Variants in MX1 observed in about 807,000 individuals in gnomAD.
The protein encoded by MX1 is MX dynamin like GTPase 1, also known as interferon-induced GTP-binding protein Mx1.
MX1 carries 66 observed loss-of-function variants against 66.4 expected under a neutral mutation model. The observed-to-expected ratio is 0.99, with a 90% CI of 0.82 to 1.22. The LOEUF is 1.22. Among genes scored for constraint, MX1 ranks in the 50% most tolerant of loss-of-function variants. The pLI, the probability that MX1 is intolerant of heterozygous loss-of-function variation, is 0.00. For missense variants in MX1, 787 were observed against 834.3 expected (o/e 0.94, Z 0.70); for synonymous variants, 311 against 318.1 (o/e 0.98, Z 0.24).
intron 13 of MX1, 83 bp from the exon 14 acceptor site, chr21:41,449,054 A>C: frequency 7.6e-7 from 1 of 1,324,228 alleles, no homozygotes; most frequent in Non-Finnish European, 1.0e-6. Flanking sequence ...TATTTTCAGA[A>C]AATTTAGAAT....
At chr21:41,445,325 T>C in intron 11 of MX1, 123 bp from the exon 12 acceptor site, 1 of 1,201,988 alleles carries the variant, frequency 8.3e-7, no homozygotes, top group South Asian at 1.4e-5. Context: ...AAAGCTTCCT[T>C]TTAGAGGAAG....
chr21:41,451,521 A>T (rs1467035457), intron 15 of MX1, among the ~76,000 whole-genome samples: 1 of 152,206 alleles, frequency 6.6e-6, no homozygotes, highest in Non-Finnish European at 1.5e-5. Context: ...AAACTCACTG[A>T]GGAAACTACA....
chr21:41,443,960 ATCT>A, intron 11 of MX1, 94 bp downstream of exon 11: 1 of 1,161,898 alleles, frequency 8.6e-7, no homozygotes, highest in Admixed American at 1.9e-5. Context: ...GTACACACAG[ATCT>A]TCTGAGGATC....
chr21:41,437,279 A>G (rs468646), intron 7 of MX1, 127 bp downstream of exon 7: 2 of 971,642 alleles, frequency 2.1e-6, no homozygotes, highest in South Asian at 1.7e-5. Flanking sequence ...ACATCAGGCC[A>G]CGGTTCCTTC....
chr21:41,439,187 C>T (rs2090441020), intron 7 of MX1, among the ~76,000 whole-genome samples: 1 of 151,474 alleles, frequency 6.6e-6, no homozygotes, highest in African/African-American at 2.4e-5. Context: ...TTTGATGAAA[C>T]AAATTCATAT....
chr21:41,453,293 C>G (rs2090881149), intron 16 of MX1, among the ~76,000 whole-genome samples: 1 of 152,190 alleles, frequency 6.6e-6, no homozygotes, highest in Non-Finnish European at 1.5e-5. Context: ...CTGAGTCCCT[C>G]CCACAACAGG....
chr21:41,421,337 G>A (rs1389902531), upstream of MX1: 2 of 152,322 alleles, frequency 1.3e-5, no homozygotes, highest in South Asian at 2.1e-4. Flanking sequence ...GGGACGGGCA[G>A]GAGACAGATG....
chr21:41,455,095 A>G (rs2090927316), intron 16 of MX1, among the ~76,000 whole-genome samples: 1 of 152,028 alleles, frequency 6.6e-6, no homozygotes, highest in Non-Finnish European at 1.5e-5. Flanking sequence ...TTTTTAGTAG[A>G]GATGGACTTT....
chr21:41,437,318 C>T lies in MX1; in HGVS notation c.436+166C>T, dbSNP rs191385632. On this transcript the variant is annotated intron_variant, in intron 7 of 16. Transcript: ENST00000398598. The stretch of plus-strand genomic sequence containing the variant: ...TTCTTTTACCTCATTATGACCAGCA[C>T]GCTTGGATATCAGCATCTGATAGCA... 2.8e-3 allele frequency among the ~76,000 whole-genome samples: 427 copies of T among 152,234 alleles called. 3 individuals are homozygous for T. The highest frequency in any genetic ancestry group is 1.3e-3 in the Non-Finnish European group (90 of 68,028).
Position 41,446,087 on chromosome 21 carries a change from C to G in MX1, c.1219C>G (p.Leu407Val), listed in dbSNP as rs749661292. ...GGAAGACATTCGGCTGTTTACCAGA[C>G]TCCGACACGAGTTCCACAAATGGAG... ...GEEDIRLFTR[L>V]RHEFHKWSTI... The change falls in exon 13 of 17, where the codon CTC (leucine) becomes GTC (valine). Residue 407 changes from leucine (L) to valine (V), a missense_variant. Coordinates refer to ENST00000398598, the MANE Select transcript of MX1 (RefSeq NM_002462.5). 5.0e-6 allele frequency: 8 copies of G among 1,614,090 alleles called. No homozygotes were observed. The highest frequency in any genetic ancestry group is 8.5e-7 in the Non-Finnish European group (1 of 1,180,044).
chr21:41,448,940 G>GCC (rs1601527161), intron 13 of MX1, among the ~76,000 whole-genome samples, 197 bp from the exon 14 acceptor site: 1,406 of 37,834 alleles, frequency 0.037, 39 homozygotes, highest in African/African-American at 0.26. Context: ...TTGTGTGTGT[G>GCC]TGTGTGTGTG....
At chr21:41,457,266 G>C (rs2034355752) in intron 16 of MX1, among the ~76,000 whole-genome samples, 1 of 152,146 alleles carries the variant, frequency 6.6e-6, no homozygotes, top group South Asian at 2.1e-4. Context: ...TCTACATTTT[G>C]TCATTTGCTT....
At chr21:41,420,608 G>A (rs1025243999) in exon 1 of MX1, 2 of 152,348 alleles carry the variant, frequency 1.3e-5, no homozygotes, top group African/African-American at 4.8e-5. Context: ...CGCGGTGGGG[G>A]CGGAGAGCGC....
chr21:41,425,629 A>ATTTAT (rs2090044545), upstream of MX1, among the ~76,000 whole-genome samples: 1 of 152,004 alleles, frequency 6.6e-6, no homozygotes, highest in Admixed American at 6.5e-5. Context: ...TTACTATTTT[A>ATTTAT]TTTATTTTAT....
intron 4 of MX1, among the ~76,000 whole-genome samples, chr21:41,431,198 T>C (rs2090202027): frequency 6.6e-6 from 1 of 152,116 alleles, no homozygotes; most frequent in African/African-American, 2.4e-5. Flanking sequence ...AATTTTTGTA[T>C]ATTTAGTAGA....
chr21:41,437,124 T>G lies in MX1; in HGVS notation c.408T>G (p.Ala136=). ...ACTACGAGATTGAGATTTCGGATGC[T>G]TCAGAGGTAGAAAAGGAAATTAATA... is the stretch of plus-strand genomic sequence containing the variant. ...YQDYEIEISD[A]SEVEKEINKA... Residue 136 remains alanine (A), a synonymous_variant, in exon 7 of 17, where the codon GCT becomes GCG. Transcript: ENST00000398598. 6.2e-7 allele frequency: 1 copy of G among 1,613,972 alleles called. No individual in the cohort carries two copies. Among genetic ancestry groups the G allele is most frequent in the Non-Finnish European group, 8.5e-7 (1 of 1,179,932 alleles).
upstream of MX1, chr21:41,423,396 G>T (rs2090013372): frequency 6.6e-6 from 1 of 152,272 alleles, no homozygotes; most frequent in African/African-American, 2.4e-5. Context: ...CCCAAAGGGG[G>T]TTGCCATTGC....
intron 5 of MX1, among the ~76,000 whole-genome samples, chr21:41,432,697 T>G (rs1056131916): frequency 2.0e-5 from 3 of 152,216 alleles, no homozygotes; most frequent in Admixed American, 2.0e-4. Context: ...CCTCCTGTTA[T>G]AAGCCTGGTT....
Position 41,437,232 on chromosome 21 carries a change from TC to T in MX1, c.436+83del. ...GTTTGTAACTGTTCATACTCCCACC[TC>T]CCTGGGCCTGTGCTGTCAGGACACC... On this transcript the variant is annotated intron_variant, in intron 7 of 16. Coordinates refer to ENST00000398598, the MANE Select transcript of MX1 (RefSeq NM_002462.5). 5 of 1,518,296 alleles carry T rather than the reference TC, an allele frequency of 3.3e-6. No individual in the cohort carries two copies. In the South Asian group the frequency reaches 6.0e-5, roughly 18 times the overall value. The allele number at this position is 1,518,296 out of a possible 1,614,324, so 94.1% of individuals were successfully genotyped here.
Sources: allele counts gnomAD v4.1 joint callset (sites outside exome capture counted in the v4.1 genomes callset), GRCh38; gene constraint gnomAD v4.1.1; transcripts MANE v1.5; gene names NCBI Gene and HGNC (gene_info 2026-07-23, HGNC 2026-07-21).